Variants in DNAJC1 observed in about 807,000 individuals in gnomAD.
DNAJC1 encodes dnaJ homolog subfamily C member 1.
A neutral mutation model predicts 76.6 loss-of-function variants in DNAJC1; 58 were observed. That is an observed-to-expected ratio of 0.76 (90% CI 0.61 to 0.94). DNAJC1 has a LOEUF of 0.94. DNAJC1 is among the 40% of genes least tolerant of loss of function. The pLI, the probability that DNAJC1 is intolerant of heterozygous loss-of-function variation, is 0.00. For missense variants in DNAJC1, 689 were observed against 677.3 expected, an observed-to-expected ratio of 1.02 and a Z score of -0.19; for synonymous variants, 258 against 267.9, an observed-to-expected ratio of 0.96 and a Z score of 0.36.
At chr10:21,814,618 C>G (rs1835044745) in intron 8 of DNAJC1, among the ~76,000 whole-genome samples, 1 of 152,168 alleles carries the variant, frequency 6.6e-6, no homozygotes, top group Non-Finnish European at 1.5e-5. Flanking sequence ...TTATGCCAAC[C>G]TTAAATCCAT....
chr10:21,815,698 T>C (rs1332778586), intron 8 of DNAJC1, among the ~76,000 whole-genome samples: 2 of 152,054 alleles, frequency 1.3e-5, no homozygotes, highest in Admixed American at 6.5e-5. Flanking sequence ...GATTAGAGTA[T>C]CCTAAGAAAT....
At chr10:21,988,377 T>G (rs528756459) in intron 1 of DNAJC1, among the ~76,000 whole-genome samples, 1 of 152,222 alleles carries the variant, frequency 6.6e-6, no homozygotes. Flanking sequence ...ATTAAAGGCA[T>G]ATAATAATAA....
chr10:21,930,024 G>A (rs1016571630), intron 1 of DNAJC1, among the ~76,000 whole-genome samples: 5 of 152,198 alleles, frequency 3.3e-5, no homozygotes, highest in Non-Finnish European at 2.9e-5. Context: ...CACCCAGGCT[G>A]GAGTGCGGCG....
intron 1 of DNAJC1, among the ~76,000 whole-genome samples, chr10:21,996,628 T>C (rs1338788698): frequency 6.6e-6 from 1 of 152,136 alleles, no homozygotes; most frequent in African/African-American, 2.4e-5. Flanking sequence ...TAACAAAAGA[T>C]ACAATATTCT....
chr10:21,907,262 T>C (rs1375644075), intron 6 of DNAJC1, among the ~76,000 whole-genome samples: 1 of 152,160 alleles, frequency 6.6e-6, no homozygotes, highest in Non-Finnish European at 1.5e-5. Context: ...TCACTATTTT[T>C]ATCTTCCTTT....
At chr10:21,991,109 A>G (rs1251928152) in intron 1 of DNAJC1, among the ~76,000 whole-genome samples, 1 of 152,150 alleles carries the variant, frequency 6.6e-6, no homozygotes, top group East Asian at 1.9e-4. Flanking sequence ...AAGATACTAT[A>G]ATAATCAAAA....
At chr10:21,939,936 CCT>C (rs1299061308) in intron 1 of DNAJC1, among the ~76,000 whole-genome samples, 1 of 145,578 alleles carries the variant, frequency 6.9e-6, no homozygotes, top group African/African-American at 2.5e-5. Context: ...CCACCCCAAA[CCT>C]CTCTCAAAAA....
At chr10:21,878,142 T>C (rs899805575) in intron 8 of DNAJC1, among the ~76,000 whole-genome samples, 3 of 152,216 alleles carry the variant, frequency 2.0e-5, no homozygotes, top group African/African-American at 7.2e-5. Flanking sequence ...ACTCCTAGCA[T>C]CACTAGTGGT....
At chr10:21,794,877 G>T (rs1834735128) in intron 9 of DNAJC1, among the ~76,000 whole-genome samples, 1 of 152,086 alleles carries the variant, frequency 6.6e-6, no homozygotes, top group Non-Finnish European at 1.5e-5. Context: ...CAAAATGCTT[G>T]TGACCAAAAG....
chr10:21,803,589 CTGTGTGTG>C lies in DNAJC1; in HGVS notation c.1098+2383_1098+2390del, dbSNP rs113615504. Among the ~76,000 whole-genome samples the C allele has an allele frequency of 7.7e-3, 1,084 of 140,730 alleles. 6 individuals carry two copies. Among genetic ancestry groups the C allele is most frequent in the Non-Finnish European group, 0.012 (793 of 64,356 alleles). 92.3% of individuals were successfully genotyped at this position (140,730 alleles called of 152,430 possible). On this transcript the variant is annotated intron_variant, in intron 9 of 11. Coordinates refer to ENST00000376980, the MANE Select transcript of DNAJC1 (RefSeq NM_022365.4). The stretch of plus-strand genomic sequence containing the variant: ...CTGTTCTCTTTTACAGAGTGATTTT[CTGTGTGTG>C]TGTGTGTGTGTGTGTGTGTGTGTGT...
intron 1 of DNAJC1, among the ~76,000 whole-genome samples, chr10:21,986,448 T>A (rs1838249661): frequency 6.6e-6 from 1 of 152,190 alleles, no homozygotes. Flanking sequence ...CATTTGTATA[T>A]CTTCTTGGGT....
rs751262188 is a variant in DNAJC1 at position 21,766,551 on chromosome 10, AT to A, written c.1099-243del. On this transcript the variant is annotated intron_variant, in intron 9 of 11. Coordinates refer to ENST00000376980, the MANE Select transcript of DNAJC1 (RefSeq NM_022365.4). ...CAGCAGCTTCAGGACAAGAACTCAC[AT>A]CCCTAGACTCCTTCTAGTTCAATGA... 3.9e-5 allele frequency among the ~76,000 whole-genome samples: 6 copies of A among 152,308 alleles called. No individual in the cohort carries two copies. In the South Asian group the frequency reaches 1.2e-3, roughly 32 times the overall value.
intron 8 of DNAJC1, among the ~76,000 whole-genome samples, chr10:21,820,198 G>A (rs775797216): frequency 6.6e-5 from 10 of 152,068 alleles, no homozygotes; most frequent in Non-Finnish European, 1.3e-4. Context: ...ATAATATGTA[G>A]TCTTTTACTT....
At chr10:21,901,554 T>C (rs1836654827) in intron 7 of DNAJC1, among the ~76,000 whole-genome samples, 1 of 152,122 alleles carries the variant, frequency 6.6e-6, no homozygotes, top group Non-Finnish European at 1.5e-5. Flanking sequence ...ATATCAACAA[T>C]TTTTTTACAG....
intron 1 of DNAJC1, among the ~76,000 whole-genome samples, chr10:21,960,215 T>C (rs1267405255): frequency 6.6e-6 from 1 of 152,224 alleles, no homozygotes; most frequent in Non-Finnish European, 1.5e-5. Context: ...CCTTAGTGGT[T>C]ATCTTAGGAA....
At chr10:21,829,067 T>C (rs926942947) in intron 8 of DNAJC1, among the ~76,000 whole-genome samples, 5 of 152,154 alleles carry the variant, frequency 3.3e-5, no homozygotes, top group African/African-American at 9.7e-5. Context: ...AGCTTTGCTA[T>C]GTTCCAGGCC....
At chr10:21,904,425 ACC>A in intron 7 of DNAJC1, 95 bp downstream of exon 7, 1 of 819,882 alleles carries the variant, frequency 1.2e-6, no homozygotes. Context: ...AAAAAAGAAA[ACC>A]AGAAAATTTA....
intron 8 of DNAJC1, among the ~76,000 whole-genome samples, chr10:21,836,820 T>G (rs1488932954): frequency 2.0e-5 from 3 of 152,116 alleles, no homozygotes; most frequent in African/African-American, 7.2e-5. Context: ...GCACCCAGAT[T>G]CATAAAGCAA....
intron 9 of DNAJC1, among the ~76,000 whole-genome samples, chr10:21,790,273 A>G (rs962977153): frequency 4.6e-5 from 7 of 152,064 alleles, no homozygotes; most frequent in African/African-American, 1.7e-4. Flanking sequence ...CTATTTAATC[A>G]AAGAATAGTT....
Sources: allele counts gnomAD v4.1 joint callset (sites outside exome capture counted in the v4.1 genomes callset), GRCh38; gene constraint gnomAD v4.1.1; transcripts MANE v1.5; gene names NCBI Gene and HGNC (gene_info 2026-07-23, HGNC 2026-07-21).